Variants in GLB1 observed in about 807,000 individuals in gnomAD.
The protein encoded by GLB1 is galactosidase beta 1.
GLB1 carries 56 observed loss-of-function variants against 74.0 expected under a neutral mutation model. The observed-to-expected ratio is 0.76, with a 90% CI of 0.61 to 0.94. The LOEUF is 0.94. Ranked by LOEUF, GLB1 falls within the 40% of genes least tolerant of loss-of-function variation. The probability of loss-of-function intolerance (pLI) is 0.00; values close to 1 mark genes in which losing one functional copy is unlikely to be tolerated. For synonymous variants in GLB1, 323 were observed against 323.6 expected (o/e 1.00, Z 0.02); for missense variants, 787 against 845.5 (o/e 0.93, Z 0.86).
At chr3:33,082,163 AC>A (rs1700345281) in intron 1 of GLB1, among the ~76,000 whole-genome samples, 1 of 152,196 alleles carries the variant, frequency 6.6e-6, no homozygotes, top group African/African-American at 2.4e-5. Context: ...GCACCAGGGA[AC>A]CTGAAATGCC....
intron 5 of GLB1, among the ~76,000 whole-genome samples, chr3:33,062,037 G>A (rs189795123): frequency 5.9e-5 from 9 of 152,270 alleles, no homozygotes; most frequent in Admixed American, 1.3e-4. Flanking sequence ...CTGCAAACAC[G>A]TAGCTCCTCC....
intron 4 of GLB1, 117 bp downstream of exon 4, chr3:33,068,113 C>T: frequency 6.1e-6 from 9 of 1,477,248 alleles, no homozygotes; most frequent in Non-Finnish European, 8.5e-6. Context: ...TCTCGAACTC[C>T]CAACCTCAGG....
chr3:32,967,335 G>T, the GLB1 span, among the ~76,000 whole-genome samples: 1 of 152,318 alleles, frequency 6.6e-6, no homozygotes, highest in East Asian at 1.9e-4. Context: ...GGGAGGCCAA[G>T]ACAGGAAGAT....
At chr3:33,091,709 T>C (rs1384152754) in intron 1 of GLB1, 1 of 985,266 alleles carries the variant, frequency 1.0e-6, no homozygotes, top group Non-Finnish European at 1.2e-6. Flanking sequence ...CACCCAACGC[T>C]GCCCTATGAG....
intron 1 of GLB1, among the ~76,000 whole-genome samples, chr3:33,079,311 G>A (rs866534602): frequency 1.3e-5 from 2 of 152,276 alleles, no homozygotes; most frequent in Middle Eastern, 3.4e-3. Context: ...CAAATGGTAC[G>A]TTTAAGATAT....
At chr3:33,031,561 T>C (rs1387493164) in intron 10 of GLB1, among the ~76,000 whole-genome samples, 1 of 126,570 alleles carries the variant, frequency 7.9e-6, no homozygotes, top group African/African-American at 3.1e-5. Context: ...AGAGAATCAC[T>C]TGAACCAGGG....
chr3:32,980,995 G>A, the GLB1 span, among the ~76,000 whole-genome samples: 992 of 147,410 alleles, frequency 6.7e-3, 9 homozygotes, highest in African/African-American at 0.022. Context: ...GGAGGCTGAG[G>A]AAGGAGAATT....
intron 11 of GLB1, among the ~76,000 whole-genome samples, chr3:33,022,476 A>G (rs1697531162): frequency 1.3e-5 from 2 of 151,660 alleles, no homozygotes. Context: ...GACTCACAGA[A>G]GTCCACTTGA....
chr3:32,980,076 A>G, the GLB1 span, among the ~76,000 whole-genome samples: 1 of 152,288 alleles, frequency 6.6e-6, no homozygotes, highest in East Asian at 1.9e-4. Context: ...AAAACTCAAA[A>G]TCCTTTCTTC....
chr3:33,087,577 GCGCACACACACACACACACA>G (rs1391386808), intron 1 of GLB1, among the ~76,000 whole-genome samples: 7 of 39,796 alleles, frequency 1.8e-4, no homozygotes, highest in African/African-American at 6.3e-4. Flanking sequence ...CTCAGCATGC[GCGCACACACACACACACACA>G]CACACACACA....
the GLB1 span, among the ~76,000 whole-genome samples, chr3:32,961,986 A>C: frequency 1.3e-5 from 2 of 152,234 alleles, no homozygotes; most frequent in Non-Finnish European, 2.9e-5. Context: ...ACTGGAGGTC[A>C]GGGGTTTGAG....
intron 9 of GLB1, among the ~76,000 whole-genome samples, chr3:33,047,226 G>T (rs184684725): frequency 1.3e-5 from 2 of 152,264 alleles, no homozygotes; most frequent in East Asian, 3.9e-4. Flanking sequence ...TATACAAAAG[G>T]ACTAGAAAAA....
intron 1 of GLB1, among the ~76,000 whole-genome samples, chr3:33,081,783 C>T (rs1700331578): frequency 6.6e-6 from 1 of 152,240 alleles, no homozygotes; most frequent in South Asian, 2.1e-4. Flanking sequence ...CAGGAGTGAC[C>T]TTATGCAGTG....
downstream of GLB1, among the ~76,000 whole-genome samples, chr3:32,996,252 A>G (rs1261736364): frequency 3.3e-5 from 5 of 152,220 alleles, no homozygotes; most frequent in Non-Finnish European, 5.9e-5. Context: ...ATCCTTTCCT[A>G]TCTGTGCACA....
In GLB1 at chr3:33,072,674, C is replaced by T; in HGVS notation, c.115G>A (p.Asp39Asn). The change falls in exon 2 of 16, where the codon GAC becomes AAC. Residue 39 changes from aspartate (D) to asparagine (N), a missense_variant. By Grantham distance (23) the Asp-to-Asn change is conservative. Coordinates refer to ENST00000307363, the MANE Select transcript of GLB1 (RefSeq NM_000404.4). ...QRMFEIDYSR[D>N]SFLKDGQPFR... ...GGCTGGCCATCCTTGAGGAAGGAGT[C>T]CCGGCTATAGTCAATTTCAAACATC... is the stretch of plus-strand genomic sequence containing the variant. The T allele has an allele frequency of 1.9e-6, 3 of 1,614,108 alleles. No individual in the cohort carries two copies. The highest frequency in any genetic ancestry group is 1.7e-4 in the Middle Eastern group (1 of 6,040).
chr3:33,045,970 A>C lies in GLB1; in HGVS notation c.1068+150T>G, dbSNP rs1165942064. Reference sequence around the variant, plus strand: ...GACTCACTCTTAACCACGTGGGTACAAGATGCAAACCCAAGTCTAGCTGAT... The same window carrying C: ...GACTCACTCTTAACCACGTGGGTACCAGATGCAAACCCAAGTCTAGCTGAT... On this transcript the variant is annotated intron_variant, in intron 10 of 15. Transcript: ENST00000307363. The C allele has an allele frequency of 2.7e-6, 3 of 1,107,346 alleles. No individual in the cohort carries two copies. The Admixed American group carries it at 6.0e-5, about 22-fold the overall frequency. 68.6% of individuals were successfully genotyped at this position (1,107,346 alleles called of 1,614,324 possible). A position where few individuals can be genotyped will look rare whatever the true frequency, so the allele number is the denominator to read the frequency against.
Position 33,021,566 on chromosome 3 carries a change from C to G in GLB1, c.1233G>C (p.Gln411His). 5 of 1,613,662 alleles carry G rather than the reference C, an allele frequency of 3.1e-6. No individual in the cohort carries two copies. The highest frequency in any genetic ancestry group is 4.2e-6 in the Non-Finnish European group (5 of 1,179,860). Reference sequence around the variant, plus strand: ...CGAGGCATTACCTTTGAAGGCCTACCTGTTTCACCTGGATAAATGTCAAGG... The same window carrying G: ...CGAGGCATTACCTTTGAAGGCCTACGTGTTTCACCTGGATAAATGTCAAGG... ...LYPLTFIQVK[Q>H]HYGFVLYRTT... Residue 411 changes from glutamine (Q) to histidine (H), a missense_variant and splice_region_variant, in exon 12 of 16, where the codon CAG becomes CAC. Coordinates refer to ENST00000307363, the MANE Select transcript of GLB1 (RefSeq NM_000404.4).
chr3:33,017,620 TG>T (rs980876391), intron 13 of GLB1, among the ~76,000 whole-genome samples: 2 of 152,238 alleles, frequency 1.3e-5, no homozygotes, highest in African/African-American at 4.8e-5. Flanking sequence ...GTGAGAGGAC[TG>T]GAAGTCCTGA....
chr3:33,060,298 T>C (rs1194880836), intron 5 of GLB1, among the ~76,000 whole-genome samples: 1 of 152,194 alleles, frequency 6.6e-6, no homozygotes, highest in Admixed American at 6.5e-5. Flanking sequence ...CATGAAACCA[T>C]CCTGGAAGAG....
Sources: allele counts gnomAD v4.1 joint callset (sites outside exome capture counted in the v4.1 genomes callset), GRCh38; gene constraint gnomAD v4.1.1; transcripts MANE v1.5; gene names NCBI Gene and HGNC (gene_info 2026-07-23, HGNC 2026-07-21).